Variants in SEC24D observed in about 807,000 individuals in gnomAD.
SEC24D encodes SEC24 homolog D, COPII component.
In SEC24D, 69 loss-of-function variants were observed where a neutral mutation model predicts 116.9. That is an observed-to-expected ratio of 0.59 (90% CI 0.49 to 0.72). The LOEUF is 0.72. Ranked by LOEUF, SEC24D falls within the 30% of genes least tolerant of loss-of-function variation. The probability of loss-of-function intolerance (pLI) is 0.00; values close to 1 mark genes in which losing one functional copy is unlikely to be tolerated. For synonymous variants in SEC24D, 405 were observed against 442.8 expected (o/e 0.91, Z 1.07); for missense variants, 1,131 against 1,264.1 (o/e 0.89, Z 1.60).
chr4:118,727,216 C>T (rs938276732), intron 22 of SEC24D, among the ~76,000 whole-genome samples: 25 of 152,200 alleles, frequency 1.6e-4, no homozygotes, highest in Non-Finnish European at 7.3e-5. Context: ...AGAGATAGCA[C>T]TCTATGAACA....
intron 10 of SEC24D, chr4:118,764,469 ACT>A (rs999195315): frequency 1.8e-5 from 3 of 166,726 alleles, no homozygotes; most frequent in African/African-American, 7.2e-5. Flanking sequence ...TTTTTCTGAG[ACT>A]CTTTACAAAA....
intron 8 of SEC24D, among the ~76,000 whole-genome samples, chr4:118,778,882 C>T (rs944775284): frequency 4.6e-5 from 7 of 152,154 alleles, no homozygotes; most frequent in African/African-American, 1.7e-4. Context: ...TGGGAGTTCA[C>T]TCATGATTTG....
At chr4:118,739,339 A>G in intron 17 of SEC24D, 52 bp from the exon 18 acceptor site, 1 of 1,565,232 alleles carries the variant, frequency 6.4e-7, no homozygotes. Flanking sequence ...ATATCCACCC[A>G]AGCTAACTTG....
chr4:118,821,318 T>C (rs1192784721), intron 3 of SEC24D, among the ~76,000 whole-genome samples: 1 of 152,232 alleles, frequency 6.6e-6, no homozygotes, highest in East Asian at 1.9e-4. Context: ...CACTGTTTCT[T>C]CATCAGAATA....
At chr4:118,732,504 C>T (rs1725744229) in intron 20 of SEC24D, among the ~76,000 whole-genome samples, 1 of 152,142 alleles carries the variant, frequency 6.6e-6, no homozygotes, top group Non-Finnish European at 1.5e-5. Context: ...GAAAGAGACG[C>T]AGAACTCCTC....
At chr4:118,748,107 T>C (rs902149097) in intron 13 of SEC24D, among the ~76,000 whole-genome samples, 4 of 151,958 alleles carry the variant, frequency 2.6e-5, no homozygotes, top group African/African-American at 9.7e-5. Flanking sequence ...CTACTAAAAA[T>C]ACAAAAAATT....
At chr4:118,734,238 G>T (rs915287337) in intron 19 of SEC24D, among the ~76,000 whole-genome samples, 1 of 150,904 alleles carries the variant, frequency 6.6e-6, no homozygotes, top group Admixed American at 6.6e-5. Context: ...TTTTGAGATG[G>T]AGTCTCACTC....
chr4:118,792,760 C>T (rs1033361288), intron 8 of SEC24D, among the ~76,000 whole-genome samples: 4 of 152,136 alleles, frequency 2.6e-5, no homozygotes, highest in Admixed American at 6.5e-5. Flanking sequence ...CTGCGGAAGG[C>T]GGCAGGGCCC....
chr4:118,818,752 C>T (rs1730258775), intron 3 of SEC24D, among the ~76,000 whole-genome samples: 3 of 150,612 alleles, frequency 2.0e-5, no homozygotes, highest in South Asian at 4.2e-4. Flanking sequence ...TAATAAAATA[C>T]ATGTTGCAAG....
chr4:118,738,754 C>T (rs1421003441), intron 18 of SEC24D, among the ~76,000 whole-genome samples: 2 of 152,094 alleles, frequency 1.3e-5, no homozygotes, highest in African/African-American at 4.8e-5. Context: ...AAGAAAATTC[C>T]ACCTTGGGCC....
intron 10 of SEC24D, among the ~76,000 whole-genome samples, chr4:118,761,970 C>T (rs1419438938): frequency 6.6e-6 from 1 of 151,996 alleles, no homozygotes; most frequent in Non-Finnish European, 1.5e-5. Flanking sequence ...TTGTAAGTAC[C>T]TTGAGAGCAG....
intron 19 of SEC24D, 48 bp downstream of exon 19, chr4:118,738,213 A>G (rs1726060165): frequency 8.2e-7 from 1 of 1,216,006 alleles, no homozygotes. Context: ...TGAAGAAATG[A>G]GTAGTCGTTT....
At chr4:118,812,704 C>A (rs1304272737) in intron 6 of SEC24D, among the ~76,000 whole-genome samples, 2 of 152,118 alleles carry the variant, frequency 1.3e-5, no homozygotes, top group Non-Finnish European at 2.9e-5. Flanking sequence ...TCAATAAAAC[C>A]TTGCACTCAT....
intron 3 of SEC24D, among the ~76,000 whole-genome samples, chr4:118,821,875 A>G (rs949228340): frequency 6.6e-6 from 1 of 152,194 alleles, no homozygotes; most frequent in Non-Finnish European, 1.5e-5. Context: ...GAAATACTAT[A>G]CTTTTCCCTG....
Position 118,814,142 on chromosome 4 carries a change from A to C in SEC24D, c.801+886T>G, listed in dbSNP as rs537086478. On this transcript the variant is annotated intron_variant, in intron 6 of 22. Coordinates refer to ENST00000280551, the MANE Select transcript of SEC24D (RefSeq NM_014822.4). ...TGTAGCCAATTTCGTTATTATTCCA[A>C]AAGGATTTTACATCCCAATGCCATA... Among the ~76,000 whole-genome samples, 3 of 152,308 alleles carry C rather than the reference A, an allele frequency of 2.0e-5. No individual in the cohort carries two copies. The South Asian group carries it at 6.2e-4, about 32-fold the overall frequency.
Position 118,797,826 on chromosome 4 carries a change from G to C in SEC24D, c.914-16C>G. ...CTGGCATTTCCTGAAACATTCAAAAGGATACACTTAAAACTTGTTTAGAAA... is the reference window on the plus strand; with the variant it reads ...CTGGCATTTCCTGAAACATTCAAAACGATACACTTAAAACTTGTTTAGAAA... On this transcript the variant is annotated splice_polypyrimidine_tract_variant and intron_variant, in intron 7 of 22. Transcript: ENST00000280551. The C allele has an allele frequency of 6.4e-7, 1 of 1,569,534 alleles. No homozygotes were observed.
At chr4:118,744,605 T>G (rs1046862379) in intron 14 of SEC24D, among the ~76,000 whole-genome samples, 5 of 152,218 alleles carry the variant, frequency 3.3e-5, no homozygotes, top group African/African-American at 1.2e-4. Context: ...GCTTCATGCC[T>G]CAGGCCTCTG....
chr4:118,785,605 A>G (rs560009217), intron 8 of SEC24D, among the ~76,000 whole-genome samples: 2 of 152,230 alleles, frequency 1.3e-5, no homozygotes, highest in Non-Finnish European at 2.9e-5. Flanking sequence ...TTATGAAAAA[A>G]TAAAGTCTAT....
intron 8 of SEC24D, among the ~76,000 whole-genome samples, chr4:118,768,783 T>C (rs1727763159): frequency 6.6e-6 from 1 of 152,202 alleles, no homozygotes; most frequent in South Asian, 2.1e-4. Flanking sequence ...TTCAAAGCCA[T>C]AAGATGTTGT....
Sources: allele counts gnomAD v4.1 joint callset (sites outside exome capture counted in the v4.1 genomes callset), GRCh38; gene constraint gnomAD v4.1.1; transcripts MANE v1.5; gene names NCBI Gene and HGNC (gene_info 2026-07-23, HGNC 2026-07-21).